Variants in DCHS1 observed in about 807,000 individuals in gnomAD.
The protein encoded by DCHS1 is protocadherin-16.
Under a neutral mutation model 213.9 loss-of-function variants are expected in DCHS1, and 78 were observed. The observed-to-expected ratio is 0.36, with a 90% CI of 0.30 to 0.44. The LOEUF is 0.44. Ranked by LOEUF, DCHS1 falls within the 20% of genes least tolerant of loss-of-function variation. The pLI, the probability that DCHS1 is intolerant of heterozygous loss-of-function variation, is 1.00. For missense variants in DCHS1, 3,946 were observed against 4,395.9 expected (o/e 0.90, Z 2.89); for synonymous variants, 1,828 against 1,873.7 (o/e 0.98, Z 0.63).
intron 11 of DCHS1, 41 bp from the exon 12 acceptor site, chr11:6,629,618 T>G: frequency 6.2e-7 from 1 of 1,612,992 alleles, no homozygotes; most frequent in East Asian, 2.2e-5. Flanking sequence ...AGGGTAAAAA[T>G]GCTGTTTCTT....
rs768699475 is a variant in DCHS1, at chr11:6,632,821, A to C, written c.2691T>G (p.Pro897=). 8 of 1,613,866 alleles carry C rather than the reference A, an allele frequency of 5.0e-6. No homozygotes were observed. The Admixed American group carries it at 1.0e-4, about 20-fold the overall frequency. The change falls in exon 6 of 21, where the codon CCT becomes CCG. Residue 897 remains proline (P), a synonymous_variant. Transcript: ENST00000299441. This position sits in a 1 kb window ranked among gnomAD's most constrained non-coding sequence, Gnocchi z 5.9. ...TTGGTGGTAGCAATACCGTGTCTTC[A>C]GGTGCAGGAAAGGCAGGGGAGTTGT... ...VNDNSPAFPA[P]EDTVLLPPNT...
chr11:6,631,221 G>A lies in DCHS1; in HGVS notation c.3773-11C>T. 1 of 1,612,352 alleles carries A rather than the reference G, an allele frequency of 6.2e-7. No individual in the cohort carries two copies. The highest frequency in any genetic ancestry group is 8.5e-7 in the Non-Finnish European group (1 of 1,178,520). ...GCTCTGAGCCAGGACCTGGGGACAG[G>A]CAGAGGAAGATGAGGGCTTGGGGCC... On this transcript the variant is annotated splice_polypyrimidine_tract_variant and intron_variant, in intron 8 of 20. Coordinates refer to ENST00000299441, the MANE Select transcript of DCHS1 (RefSeq NM_003737.4).
chr11:6,639,309 C>G (rs72911040), intron 2 of DCHS1, among the ~76,000 whole-genome samples: 9 of 152,140 alleles, frequency 5.9e-5, no homozygotes, highest in African/African-American at 2.2e-4. Context: ...CCCTGAGAGG[C>G]CTTCCTGCTC....
At position 6,625,769 on chromosome 11, in the gene DCHS1, G is replaced by C. The variant is rs770654510; in HGVS notation, c.6732-42C>G. The C allele has an allele frequency of 1.3e-6, 2 of 1,588,854 alleles. No individual in the cohort carries two copies. The highest frequency in any genetic ancestry group is 1.4e-5 in the African/African-American group (1 of 73,818). On this transcript the variant is annotated intron_variant, in intron 17 of 20. Transcript: ENST00000299441. The surrounding 1 kb of genome is among the most constrained non-coding windows in gnomAD (Gnocchi z 5.3). ...ATCATCGGGTGGGACATGGCAATAA[G>C]GGGGAACTCTGGGCAGGGCCAGGAG... is the stretch of plus-strand genomic sequence containing the variant.
In DCHS1 at chr11:6,626,589, C is replaced by G; in HGVS notation, c.6327G>C (p.Gly2109=). ...GGATGGAGAATGTCCCTTTCTCATT[C>G]CCACTGAGAATGCTGTAGGTGATGG... ...NGPITYSILS[G]NEKGTFSIQP... The change falls in exon 15 of 21, where the codon GGG becomes GGC. Residue 2109 remains glycine (G), a synonymous_variant. Transcript: ENST00000299441. This position sits in a 1 kb window ranked among gnomAD's most constrained non-coding sequence, Gnocchi z 5.2. The G allele has an allele frequency of 6.2e-7, 1 of 1,614,026 alleles. No individual in the cohort carries two copies. Among genetic ancestry groups the G allele is most frequent in the Non-Finnish European group, 8.5e-7 (1 of 1,179,912 alleles).
chr11:6,648,720 C>A (rs369970538), intron 1 of DCHS1, among the ~76,000 whole-genome samples: 12 of 152,328 alleles, frequency 7.9e-5, no homozygotes, highest in African/African-American at 2.9e-4. Flanking sequence ...GCTGTGTGAC[C>A]TTGGGCAAGC....
intron 2 of DCHS1, among the ~76,000 whole-genome samples, chr11:6,635,488 T>C (rs867709707): frequency 8.5e-5 from 13 of 152,188 alleles, no homozygotes. Flanking sequence ...AAGAGGAAGC[T>C]GGAGAGTTCC....
chr11:6,624,626 A>G (rs1013647566), intron 20 of DCHS1, 104 bp downstream of exon 20: 7 of 1,531,636 alleles, frequency 4.6e-6, no homozygotes, highest in Non-Finnish European at 6.2e-6. Flanking sequence ...TCCCTAGGCC[A>G]GAGATCCAGG....
intron 1 of DCHS1, among the ~76,000 whole-genome samples, chr11:6,649,482 T>G (rs1394808678): frequency 6.6e-6 from 1 of 151,726 alleles, no homozygotes; most frequent in East Asian, 1.9e-4. Context: ...GGAGGATGAC[T>G]GGAGGCCTCC....
chr11:6,642,374 T>C (rs1422048445), intron 1 of DCHS1, among the ~76,000 whole-genome samples: 1 of 152,102 alleles, frequency 6.6e-6, no homozygotes, highest in Non-Finnish European at 1.5e-5. Flanking sequence ...ATTACAAGTA[T>C]GGTAAGAGTT....
rs902743358 is a variant in DCHS1, at chr11:6,646,942, G to C, written c.-120-5209C>G. On this transcript the variant is annotated intron_variant, in intron 1 of 20. Coordinates refer to ENST00000299441, the MANE Select transcript of DCHS1 (RefSeq NM_003737.4). ...GGGGAGGAGCAGGGGGACTACAAGGGAAGGGGGTGCTCCAGGAGGAAGTAG... is the reference window on the plus strand; with the variant it reads ...GGGGAGGAGCAGGGGGACTACAAGGCAAGGGGGTGCTCCAGGAGGAAGTAG... 3.3e-5 allele frequency among the ~76,000 whole-genome samples: 5 copies of C among 152,118 alleles called. No individual in the cohort carries two copies. In the South Asian group the frequency reaches 6.2e-4, roughly 19 times the overall value.
In DCHS1 at chr11:6,640,531, G is replaced by A. The variant is rs749233301; in HGVS notation, c.1083C>T (p.Ser361=). ...CTGCACTGAGAAAGATGACAGTCAT[G>A]GAGGGCTGATTGTCATTGGCATCTC... ...HVRDANDNQP[S]MTVIFLSADG... The change falls in exon 2 of 21, where the codon TCC becomes TCT. Residue 361 remains serine, a synonymous_variant. Transcript: ENST00000299441. The surrounding 1 kb of genome is among the most constrained non-coding windows in gnomAD (Gnocchi z 6.5). 4.0e-5 allele frequency: 65 copies of A among 1,611,400 alleles called. No homozygotes were observed. In the South Asian group the frequency reaches 6.9e-4, roughly 17 times the overall value.
Position 6,633,656 on chromosome 11 carries a change from G to A in DCHS1, c.2219-8C>T, listed in dbSNP as rs1855946532. On this transcript the variant is annotated splice_polypyrimidine_tract_variant and splice_region_variant and intron_variant, in intron 4 of 20. Coordinates refer to ENST00000299441, the MANE Select transcript of DCHS1 (RefSeq NM_003737.4). The stretch of plus-strand genomic sequence containing the variant: ...AGGCTACTGTCAACAGCCCTGAGAG[G>A]AAGAATAGAAGCAGAGATATATAAG... 1 of 1,605,002 alleles carries A rather than the reference G, an allele frequency of 6.2e-7. No individual in the cohort carries two copies. The highest frequency in any genetic ancestry group is 8.5e-7 in the Non-Finnish European group (1 of 1,175,252).
intron 1 of DCHS1, among the ~76,000 whole-genome samples, chr11:6,650,793 G>C (rs112678034): frequency 0.019 from 2,923 of 152,266 alleles, 105 homozygotes; most frequent in African/African-American, 0.065. Flanking sequence ...TGGCTCAATG[G>C]ATTTGGGTCT....
chr11:6,649,460 G>A (rs1265899055), intron 1 of DCHS1, among the ~76,000 whole-genome samples: 2 of 151,806 alleles, frequency 1.3e-5, no homozygotes, highest in African/African-American at 2.4e-5. Context: ...GGTAAGAGAG[G>A]GGAAGGAACA....
chr11:6,639,427 C>T (rs1589959807), intron 2 of DCHS1, among the ~76,000 whole-genome samples: 1 of 152,180 alleles, frequency 6.6e-6, no homozygotes, highest in African/African-American at 2.4e-5. Context: ...CAGCACAACC[C>T]AGCACTTGAC....
chr11:6,648,932 C>A (rs995298951), intron 1 of DCHS1, among the ~76,000 whole-genome samples: 1 of 152,144 alleles, frequency 6.6e-6, no homozygotes, highest in African/African-American at 2.4e-5. Context: ...GCCACTTAAG[C>A]ATGAGTCTAG....
Position 6,628,874 on chromosome 11 carries a change from C to T in DCHS1, c.5162-44G>A. 1.9e-6 allele frequency: 3 copies of T among 1,572,876 alleles called. No individual in the cohort carries two copies. The highest frequency in any genetic ancestry group is 2.6e-6 in the Non-Finnish European group (3 of 1,155,320). ...AATGAGGTCTAGTCTGCCCTCACCA[C>T]ATGGAGAAATCCACACCACACAGTG... On this transcript the variant is annotated intron_variant, in intron 12 of 20. Coordinates refer to ENST00000299441, the MANE Select transcript of DCHS1 (RefSeq NM_003737.4). The surrounding 1 kb of genome is among the most constrained non-coding windows in gnomAD (Gnocchi z 4.3).
rs771062408 is a variant in DCHS1 at position 6,633,472 on chromosome 11, C to T, written c.2395G>A (p.Val799Met). Residue 799 changes from valine to methionine, a missense_variant, in exon 5 of 21, where the codon GTG (valine) becomes ATG (methionine). Transcript: ENST00000299441. ...IFEQLQYVFS[V>M]PEDVAPGTSV... Reference sequence around the variant, plus strand: ...GTGCCTGGTGCCACATCCTCTGGCACAGAAAAAACATACTGTAGTTGCTCA... The same window carrying T: ...GTGCCTGGTGCCACATCCTCTGGCATAGAAAAAACATACTGTAGTTGCTCA... 4.8e-5 allele frequency: 75 copies of T among 1,574,888 alleles called. No individual in the cohort carries two copies. The highest frequency in any genetic ancestry group is 5.7e-5 in the Non-Finnish European group (66 of 1,159,460).
Sources: gnomAD v4.1 joint callset for allele counts (sites outside exome capture counted in the v4.1 genomes callset) on GRCh38, gnomAD v4.1.1 for gene constraint, Gnocchi (gnomAD v3.1) non-coding constraint, MANE v1.5 for transcripts, NCBI Gene and HGNC (gene_info 2026-07-23, HGNC 2026-07-21) for gene names.